The following TAF4B variants were observed in gnomAD, a reference collection of about 807,000 sequenced individuals.
The protein encoded by TAF4B is transcription initiation factor TFIID subunit 4B.
TAF4B carries 38 observed loss-of-function variants against 86.4 expected under a neutral mutation model. That is an observed-to-expected ratio of 0.44 (90% CI 0.34 to 0.58). The LOEUF (loss-of-function observed/expected upper bound fraction) is 0.58, where lower values mean the gene tolerates loss of function less well. TAF4B is among the 20% of genes least tolerant of loss of function. The pLI is 0.02. For synonymous variants in TAF4B, 388 were observed against 391.2 expected, an observed-to-expected ratio of 0.99 and a Z score of 0.10; for missense variants, 988 against 1,027.6, an observed-to-expected ratio of 0.96 and a Z score of 0.53.
At chr18:26,377,062 T>C (rs2057447677) in intron 14 of TAF4B, among the ~76,000 whole-genome samples, 1 of 152,104 alleles carries the variant, frequency 6.6e-6, no homozygotes, top group African/African-American at 2.4e-5. Flanking sequence ...TTTTATATAC[T>C]GTTAGTTTCT....
chr18:26,289,467 T>C (rs1051751687), intron 7 of TAF4B, among the ~76,000 whole-genome samples: 1 of 152,100 alleles, frequency 6.6e-6, no homozygotes, highest in Non-Finnish European at 1.5e-5. Flanking sequence ...TGCGTTTGTT[T>C]TGTTTGTTTT....
intron 9 of TAF4B, 99 bp from the exon 10 acceptor site, chr18:26,315,129 TC>T: frequency 8.6e-6 from 3 of 348,986 alleles, no homozygotes; most frequent in Non-Finnish European, 1.3e-5. Context: ...TCTCTCTCTC[TC>T]TCTCTCTCTC....
chr18:26,367,251 C>G (rs1219937542), intron 14 of TAF4B, among the ~76,000 whole-genome samples: 1 of 152,150 alleles, frequency 6.6e-6, no homozygotes, highest in Non-Finnish European at 1.5e-5. Context: ...CTGTCTGCAA[C>G]CTGGAGACCC....
At position 26,344,381 on chromosome 18, in the gene TAF4B, G is replaced by GA. The variant is rs1219253802; in HGVS notation, c.2316+9157dup. On this transcript the variant is annotated intron_variant, in intron 13 of 14. Coordinates refer to ENST00000269142, the MANE Select transcript of TAF4B (RefSeq NM_005640.3). ...TATTTTTTTTTTTTAAAAAAAAAGG[G>GA]AAAAAAACCTGTGGAGATCAGAAGA... 8.0e-5 allele frequency among the ~76,000 whole-genome samples: 12 copies of GA among 150,344 alleles called. No individual in the cohort carries two copies. In the East Asian group the frequency reaches 2.3e-3, roughly 29 times the overall value.
chr18:26,259,919 A>G (rs1429488149), intron 1 of TAF4B, among the ~76,000 whole-genome samples: 2 of 152,158 alleles, frequency 1.3e-5, no homozygotes, highest in South Asian at 2.1e-4. Flanking sequence ...AAGTGTGCCT[A>G]TTTCTCCACA....
rs890930889 is a variant in TAF4B, at chr18:26,297,136, A to T, written c.1832+3605A>T. ...GTGACAGAGTGAGACTGTCTCATTA[A>T]AAAAAAAAAAAAAATGTAGAAGTGA... On this transcript the variant is annotated intron_variant, in intron 9 of 14. Transcript: ENST00000269142. Among the ~76,000 whole-genome samples the T allele has an allele frequency of 7.7e-3, 723 of 94,398 alleles. 9 individuals carry two copies. The highest frequency in any genetic ancestry group is 0.059 in the African/African-American group (684 of 11,516). The allele number at this position is 94,398 out of a possible 152,430, so 61.9% of individuals were successfully genotyped here.
Position 26,226,983 on chromosome 18 carries a change from T to C in TAF4B, c.50T>C (p.Val17Ala). 1 of 1,401,822 alleles carries C rather than the reference T, an allele frequency of 7.1e-7. No individual in the cohort carries two copies. The highest frequency in any genetic ancestry group is 9.2e-7 in the Non-Finnish European group (1 of 1,090,182). 86.8% of individuals were successfully genotyped at this position (1,401,822 alleles called of 1,614,324 possible). ...GCCGGCGCCGCTCCCCCGGCTGCTG[T>C]GAGCGCCTCGGGGACCGTGACCATG... ...EPAGAAPPAA[V>A]SASGTVTMAP... Residue 17 changes from valine to alanine, a missense_variant, in exon 1 of 15, where the codon GTG becomes GCG. This residue lies in a region of TAF4B where 747 missense variants were observed against 737.9 expected (regional missense o/e 1.01). Transcript: ENST00000269142.
intron 1 of TAF4B, among the ~76,000 whole-genome samples, chr18:26,227,869 A>C (rs1340427785): frequency 6.6e-6 from 1 of 152,204 alleles, no homozygotes; most frequent in Non-Finnish European, 1.5e-5. Flanking sequence ...AAATTTAACC[A>C]AGTCAGAATC....
chr18:26,315,148 C>CTG (rs2056894445), intron 9 of TAF4B, 81 bp from the exon 10 acceptor site: 8 of 394,152 alleles, frequency 2.0e-5, no homozygotes, highest in African/African-American at 1.1e-4. Context: ...CTCTCTCTGT[C>CTG]TCTCTCTCTC....
chr18:26,240,207 TTCC>T (rs2055815566), intron 1 of TAF4B, among the ~76,000 whole-genome samples: 1 of 152,262 alleles, frequency 6.6e-6, no homozygotes, highest in Non-Finnish European at 1.5e-5. Flanking sequence ...ATATTGATTC[TTCC>T]TATCCATGAG....
chr18:26,261,492 G>A lies in TAF4B; in HGVS notation c.344-3678G>A, dbSNP rs191641711. ...TGGGATTACAGGCGTGAGCCACTGC[G>A]CCCGGCCAGCACTGTCATCTTTAGC... On this transcript the variant is annotated intron_variant, in intron 1 of 14. Coordinates refer to ENST00000269142, the MANE Select transcript of TAF4B (RefSeq NM_005640.3). Among the ~76,000 whole-genome samples, 31 of 152,302 alleles carry A rather than the reference G, an allele frequency of 2.0e-4. 1 individual carries two copies. The highest frequency in any genetic ancestry group is 1.7e-3 in the Admixed American group (26 of 15,302).
At chr18:26,240,562 T>G (rs1471748270) in intron 1 of TAF4B, among the ~76,000 whole-genome samples, 3 of 152,330 alleles carry the variant, frequency 2.0e-5, no homozygotes, top group East Asian at 1.9e-4. Context: ...TTTTCCTAAT[T>G]GAATACCCTT....
At chr18:26,313,876 C>T (rs2056876190) in intron 9 of TAF4B, among the ~76,000 whole-genome samples, 1 of 152,048 alleles carries the variant, frequency 6.6e-6, no homozygotes, top group Non-Finnish European at 1.5e-5. Flanking sequence ...CTATGTTGCC[C>T]AGGCTGATCT....
At chr18:26,228,758 C>G (rs1462688974) in intron 1 of TAF4B, among the ~76,000 whole-genome samples, 1 of 152,076 alleles carries the variant, frequency 6.6e-6, no homozygotes, top group African/African-American at 2.4e-5. Context: ...GAGTGAGACT[C>G]TGTTCCTCCC....
rs2144595315 is a variant in TAF4B at position 26,285,915 on chromosome 18, A to G, written c.1006A>G (p.Asn336Asp). ...SVVALRQLLP[N>D]SQSFIQQCVQ... ...GGTTGCCTTACGACAACTTCTGCCT[A>G]ACTCCCAGAGCTTCATCCAGCAATG... Residue 336 changes from asparagine (N) to aspartate (D), a missense_variant, in exon 7 of 15, where the codon AAC becomes GAC. Asn to Asp is a conservative substitution (Grantham distance 23). This residue lies in a region of TAF4B where 747 missense variants were observed against 737.9 expected (regional missense o/e 1.01). Transcript: ENST00000269142. 6.2e-7 allele frequency: 1 copy of G among 1,612,186 alleles called. No individual in the cohort carries two copies. Among genetic ancestry groups the G allele is most frequent in the Non-Finnish European group, 8.5e-7 (1 of 1,178,716 alleles).
intron 2 of TAF4B, chr18:26,267,254 T>G (rs2056252727): frequency 3.4e-6 from 1 of 295,062 alleles, no homozygotes; most frequent in Non-Finnish European, 6.3e-6. Context: ...TTGAATACTG[T>G]AATATTTATT....
chr18:26,321,452 C>G (rs954672123), intron 11 of TAF4B, among the ~76,000 whole-genome samples: 2 of 151,552 alleles, frequency 1.3e-5, no homozygotes, highest in Non-Finnish European at 2.9e-5. Context: ...TGAGGCTTCT[C>G]TTAAGCTTTT....
At chr18:26,366,204 T>C (rs2057370326) in intron 14 of TAF4B, 1 of 152,252 alleles carries the variant, frequency 6.6e-6, no homozygotes, top group Admixed American at 6.5e-5. Flanking sequence ...TTAGATTTGA[T>C]GAATAACTTC....
intron 1 of TAF4B, among the ~76,000 whole-genome samples, chr18:26,236,583 T>C (rs1423610994): frequency 6.6e-6 from 1 of 152,136 alleles, no homozygotes; most frequent in African/African-American, 2.4e-5. Context: ...GAGGGGGCGC[T>C]TGTTTCTCAC....
Sources: allele counts gnomAD v4.1 joint callset (sites outside exome capture counted in the v4.1 genomes callset), GRCh38; gene constraint gnomAD v4.1.1; regional missense constraint gnomAD v4.1.1; transcripts MANE v1.5; gene names NCBI Gene and HGNC (gene_info 2026-07-23, HGNC 2026-07-21).